TRIM58: variants seen among roughly 807,000 people sequenced by gnomAD.
The protein encoded by TRIM58 is E3 ubiquitin-protein ligase TRIM58.
TRIM58 carries 38 observed loss-of-function variants against 34.1 expected under a neutral mutation model. That is an observed-to-expected ratio of 1.12 (90% CI 0.86 to 1.46). The LOEUF is 1.46. TRIM58 is among the 40% of genes most tolerant of loss of function. TRIM58 has a pLI of 0.00. For missense variants in TRIM58, 677 were observed against 642.0 expected, an observed-to-expected ratio of 1.05 and a Z score of -0.59; for synonymous variants, 273 against 275.7, an observed-to-expected ratio of 0.99 and a Z score of 0.10.
chr1:247,869,037 T>C (rs1239038593), intron 5 of TRIM58, among the ~76,000 whole-genome samples: 1 of 152,140 alleles, frequency 6.6e-6, no homozygotes, highest in Non-Finnish European at 1.5e-5. Flanking sequence ...GTAGCTGGGA[T>C]TACAGGCACA....
At chr1:247,861,882 G>A (rs1663801297) in intron 2 of TRIM58, among the ~76,000 whole-genome samples, 1 of 152,138 alleles carries the variant, frequency 6.6e-6, no homozygotes, top group Admixed American at 6.5e-5. Flanking sequence ...TCAGCACTTT[G>A]GGAAGCCGAA....
chr1:247,871,758 C>T (rs1226512315), intron 5 of TRIM58, among the ~76,000 whole-genome samples: 6 of 152,102 alleles, frequency 3.9e-5, no homozygotes, highest in South Asian at 4.1e-4. Flanking sequence ...ATATATCATT[C>T]AACAACAACA....
chr1:247,864,823 T>C lies in TRIM58; in HGVS notation c.635T>C (p.Leu212Pro). ...CTGGAGGCGGAGGAGCGAGCGACGCTGCAGAGACTGCGGGAGAGCAAGAGC... is the reference window on the plus strand; with the variant it reads ...CTGGAGGCGGAGGAGCGAGCGACGCCGCAGAGACTGCGGGAGAGCAAGAGC... ...RRLEAEERAT[L>P]QRLRESKSRL... is the part of the protein sequence containing the mutation. The change falls in exon 3 of 6, where the codon CTG becomes CCG. Residue 212 changes from leucine (L) to proline (P), a missense_variant. Leu to Pro is a moderately conservative substitution (Grantham distance 98, BLOSUM62 -3). Coordinates refer to ENST00000366481, the MANE Select transcript of TRIM58 (RefSeq NM_015431.4). 2 of 1,613,672 alleles carry C rather than the reference T, an allele frequency of 1.2e-6. No homozygotes were observed. The highest frequency in any genetic ancestry group is 1.7e-6 in the Non-Finnish European group (2 of 1,179,958).
intron 5 of TRIM58, among the ~76,000 whole-genome samples, chr1:247,868,614 G>A (rs1663984734): frequency 6.6e-6 from 1 of 152,154 alleles, no homozygotes; most frequent in Non-Finnish European, 1.5e-5. Flanking sequence ...TCAGATGCTG[G>A]TCACAAGCAC....
intron 3 of TRIM58, among the ~76,000 whole-genome samples, chr1:247,865,533 G>T (rs766610509): frequency 1.3e-5 from 2 of 152,162 alleles, no homozygotes; most frequent in African/African-American, 4.8e-5. Flanking sequence ...TTGTTATATT[G>T]GATTGTAAAG....
At chr1:247,873,804 C>T (rs1659203829) in intron 5 of TRIM58, among the ~76,000 whole-genome samples, 1 of 152,004 alleles carries the variant, frequency 6.6e-6, no homozygotes, top group African/African-American at 2.4e-5. Flanking sequence ...CCCTTCTCTA[C>T]AAAAAAATAC....
chr1:247,872,405 G>A (rs1164927652), intron 5 of TRIM58, among the ~76,000 whole-genome samples: 1 of 152,146 alleles, frequency 6.6e-6, no homozygotes, highest in African/African-American at 2.4e-5. Context: ...AAGATTTGCT[G>A]TTGGATTATA....
intron 5 of TRIM58, 29 bp from the exon 6 acceptor site, chr1:247,875,871 T>A: frequency 6.4e-7 from 1 of 1,572,130 alleles, no homozygotes; most frequent in Non-Finnish European, 8.6e-7. Context: ...TTCTTTCCTT[T>A]CACCTGGTCC....
At chr1:247,867,041 T>C (rs1663946869) in intron 3 of TRIM58, among the ~76,000 whole-genome samples, 1 of 152,210 alleles carries the variant, frequency 6.6e-6, no homozygotes, top group Non-Finnish European at 1.5e-5. Context: ...ATCACAGATA[T>C]ATTTATTTAA....
chr1:247,872,660 G>A (rs2103333758), intron 5 of TRIM58, among the ~76,000 whole-genome samples: 1 of 152,290 alleles, frequency 6.6e-6, no homozygotes, highest in South Asian at 2.1e-4. Context: ...CACATGCATT[G>A]GGAATCAGTC....
intron 1 of TRIM58, among the ~76,000 whole-genome samples, chr1:247,858,576 A>G (rs979971094): frequency 6.6e-6 from 1 of 152,104 alleles, no homozygotes; most frequent in Non-Finnish European, 1.5e-5. Flanking sequence ...TTTGTTTTAA[A>G]TTAAGGTTTA....
Position 247,876,512 on chromosome 1 carries a change from C to A in TRIM58, c.*23C>A. ...TAAAATTCTGTTCCCAAGATGCAGTCCTAGCGTAGCGAACGTTCCTGGAGT... is the reference window on the plus strand; with the variant it reads ...TAAAATTCTGTTCCCAAGATGCAGTACTAGCGTAGCGAACGTTCCTGGAGT... On this transcript the variant is annotated 3_prime_UTR_variant, in exon 6 of 6. Transcript: ENST00000366481. 6.3e-7 allele frequency: 1 copy of A among 1,583,688 alleles called. No homozygotes were observed.
chr1:247,872,716 C>T (rs748326675), intron 5 of TRIM58, among the ~76,000 whole-genome samples: 3 of 152,040 alleles, frequency 2.0e-5, no homozygotes, highest in Non-Finnish European at 4.4e-5. Context: ...AGCCAGCACC[C>T]GGGTAGATAG....
At chr1:247,867,085 T>C (rs895013686) in intron 3 of TRIM58, among the ~76,000 whole-genome samples, 2 of 152,182 alleles carry the variant, frequency 1.3e-5, no homozygotes, top group African/African-American at 4.8e-5. Flanking sequence ...TTACTAGTTA[T>C]TAAAGGCTTC....
chr1:247,878,445 A>T lies in TRIM58; in HGVS notation c.*1956A>T, dbSNP rs1659339257. On this transcript the variant is annotated 3_prime_UTR_variant, in exon 6 of 6. Coordinates refer to ENST00000366481, the MANE Select transcript of TRIM58 (RefSeq NM_015431.4). Reference sequence around the variant, plus strand: ...TCTTCCTAGATTTTTTAATTGTTTGATCATGAGCGAACACTTCTACTCTCT... The same window carrying T: ...TCTTCCTAGATTTTTTAATTGTTTGTTCATGAGCGAACACTTCTACTCTCT... Among the ~76,000 whole-genome samples, 1 of 152,174 alleles carries T rather than the reference A, an allele frequency of 6.6e-6. No individual in the cohort carries two copies. Among genetic ancestry groups the T allele is most frequent in the African/African-American group, 2.4e-5 (1 of 41,440 alleles).
At chr1:247,857,777 C>G (rs1663673094) in intron 1 of TRIM58, 111 bp downstream of exon 1, 1 of 1,184,950 alleles carries the variant, frequency 8.4e-7, no homozygotes. Flanking sequence ...CCCACGGCCG[C>G]TCCCCCCACC....
At chr1:247,874,165 T>C (rs1442485192) in intron 5 of TRIM58, among the ~76,000 whole-genome samples, 1 of 152,214 alleles carries the variant, frequency 6.6e-6, no homozygotes, top group African/African-American at 2.4e-5. Context: ...TAAGGAAATA[T>C]GCTTTATTTT....
At chr1:247,875,562 GCA>G (rs370248676) in intron 5 of TRIM58, among the ~76,000 whole-genome samples, 5 of 149,110 alleles carry the variant, frequency 3.4e-5, no homozygotes, top group East Asian at 2.0e-4. Flanking sequence ...TCTCTCTCAC[GCA>G]CACACACACA....
chr1:247,874,253 C>G lies in TRIM58; in HGVS notation c.872-1647C>G, dbSNP rs182486489. Among the ~76,000 whole-genome samples, 283 of 152,298 alleles carry G rather than the reference C, an allele frequency of 1.9e-3. 1 individual carries two copies. The highest frequency in any genetic ancestry group is 2.9e-3 in the Non-Finnish European group (197 of 68,022). ...GGTGAGGCCTCAGGACACCTACAGT[C>G]ATGGTGGAAAGCAAAGGAGGAGCCA... is the stretch of plus-strand genomic sequence containing the variant. On this transcript the variant is annotated intron_variant, in intron 5 of 5. Coordinates refer to ENST00000366481, the MANE Select transcript of TRIM58 (RefSeq NM_015431.4).
Sources: gnomAD v4.1 joint callset for allele counts (sites outside exome capture counted in the v4.1 genomes callset) on GRCh38, gnomAD v4.1.1 for gene constraint, MANE v1.5 for transcripts, NCBI Gene and HGNC (gene_info 2026-07-23, HGNC 2026-07-21) for gene names.